MGAT4C: variants seen among roughly 807,000 people sequenced by gnomAD.
MGAT4C encodes the protein alpha-1,3-mannosyl-glycoprotein 4-beta-N-acetylglucosaminyltransferase C.
In MGAT4C, 19 loss-of-function variants were observed where a neutral mutation model predicts 40.1. The ratio of observed to expected loss-of-function variants is 0.47; its 90% CI spans 0.33 to 0.70. The LOEUF is 0.70. MGAT4C is among the 30% of genes least tolerant of loss of function. The pLI, the probability that MGAT4C is intolerant of heterozygous loss-of-function variation, is 0.02. For missense variants in MGAT4C, 491 were observed against 563.2 expected (o/e 0.87, Z 1.30); for synonymous variants, 181 against 187.1 (o/e 0.97, Z 0.27).
chr12:85,969,413 G>T lies in MGAT4C; in HGVS notation c.*9876C>A, dbSNP rs527699394. 2.6e-5 allele frequency: 4 copies of T among 151,578 alleles called. No individual in the cohort carries two copies. The highest frequency in any genetic ancestry group is 1.5e-5 in the Non-Finnish European group (1 of 67,632). 9.4% of individuals were successfully genotyped at this position (151,578 alleles called of 1,614,324 possible). The stretch of plus-strand genomic sequence containing the variant: ...TTGGTATGTTTGGGGCTGGTGTTAT[G>T]AAAGACTATTATATGATTAATACAA... On this transcript the variant is annotated 3_prime_UTR_variant, in exon 5 of 5. Coordinates refer to ENST00000611864, the MANE Select transcript of MGAT4C (RefSeq NM_001351288.2).
chr12:86,697,650 T>C (rs972027112), intron 2 of MGAT4C, among the ~76,000 whole-genome samples: 3 of 152,106 alleles, frequency 2.0e-5, no homozygotes, highest in Non-Finnish European at 2.9e-5. Flanking sequence ...AAATTATATT[T>C]AAATATAAAT....
chr12:86,113,210 T>C (rs1407103384), intron 1 of MGAT4C, among the ~76,000 whole-genome samples: 3 of 151,780 alleles, frequency 2.0e-5, no homozygotes, highest in Non-Finnish European at 4.4e-5. Context: ...ACTCTAATTT[T>C]GATTCAGAAA....
At chr12:86,648,854 A>C (rs1963619189) in intron 2 of MGAT4C, among the ~76,000 whole-genome samples, 1 of 151,912 alleles carries the variant, frequency 6.6e-6, no homozygotes, top group South Asian at 2.1e-4. Context: ...ACTCCTCAAA[A>C]TTCGTATGTA....
chr12:86,054,674 T>A (rs1445963296), intron 1 of MGAT4C, among the ~76,000 whole-genome samples: 1 of 151,844 alleles, frequency 6.6e-6, no homozygotes, highest in South Asian at 2.1e-4. Flanking sequence ...GATAAATATA[T>A]CCATCATTTA....
intron 1 of MGAT4C, among the ~76,000 whole-genome samples, chr12:86,745,765 G>T (rs1050079171): frequency 6.6e-6 from 1 of 151,516 alleles, no homozygotes; most frequent in African/African-American, 2.4e-5. Context: ...TAAACTGAGA[G>T]TCCCTGTCTC....
At chr12:86,065,701 T>C (rs1565931659) in intron 1 of MGAT4C, among the ~76,000 whole-genome samples, 1 of 152,150 alleles carries the variant, frequency 6.6e-6, no homozygotes, top group Non-Finnish European at 1.5e-5. Context: ...TATTGGAAGT[T>C]CTTGTCAGGG....
In MGAT4C at chr12:85,972,763, T is replaced by C. The variant is rs947923185; in HGVS notation, c.*6526A>G. ...ATGATAAAGGATCTGAGATAATTAT[T>C]CTAACTTTTTGGAACTATACTTTCA... On this transcript the variant is annotated 3_prime_UTR_variant, in exon 5 of 5. Coordinates refer to ENST00000611864, the MANE Select transcript of MGAT4C (RefSeq NM_001351288.2). 6.6e-6 allele frequency: 1 copy of C among 151,054 alleles called. No homozygotes were observed. The highest frequency in any genetic ancestry group is 2.4e-5 in the African/African-American group (1 of 41,360). 9.4% of individuals were successfully genotyped at this position (151,054 alleles called of 1,614,324 possible).
At chr12:86,062,632 A>T (rs1027817374) in intron 1 of MGAT4C, among the ~76,000 whole-genome samples, 1 of 152,192 alleles carries the variant, frequency 6.6e-6, no homozygotes, top group African/African-American at 2.4e-5. Flanking sequence ...GAAACTTGAA[A>T]AAAGGTTAGA....
intron 4 of MGAT4C, among the ~76,000 whole-genome samples, chr12:85,981,192 A>G (rs1884563455): frequency 6.6e-6 from 1 of 152,194 alleles, no homozygotes; most frequent in Non-Finnish European, 1.5e-5. Context: ...TCAGACATTT[A>G]TAATCTAAAA....
At chr12:86,384,837 C>A (rs985939443) in intron 3 of MGAT4C, among the ~76,000 whole-genome samples, 2 of 152,140 alleles carry the variant, frequency 1.3e-5, no homozygotes, top group Non-Finnish European at 2.9e-5. Flanking sequence ...CAGATGGCCT[C>A]TTTCTTGCCG....
At chr12:86,545,971 A>G (rs956602583) in intron 2 of MGAT4C, among the ~76,000 whole-genome samples, 8 of 151,968 alleles carry the variant, frequency 5.3e-5, no homozygotes, top group African/African-American at 1.9e-4. Flanking sequence ...TTTTCTTATC[A>G]TGATATAAAA....
At chr12:85,990,391 A>T (rs1237608498) in intron 2 of MGAT4C, among the ~76,000 whole-genome samples, 1 of 152,226 alleles carries the variant, frequency 6.6e-6, no homozygotes, top group African/African-American at 2.4e-5. Context: ...AAACTAGAAA[A>T]ATCACATTTT....
intron 3 of MGAT4C, among the ~76,000 whole-genome samples, chr12:86,434,289 AAAGG>A (rs1433503035): frequency 1.3e-5 from 2 of 151,998 alleles, no homozygotes; most frequent in East Asian, 1.9e-4. Context: ...AAGAAAATGA[AAAGG>A]AAGGGCCATA....
At chr12:86,495,381 T>G (rs1958219027) in intron 2 of MGAT4C, 1 of 152,122 alleles carries the variant, frequency 6.6e-6, no homozygotes, top group African/African-American at 2.4e-5. Flanking sequence ...ATATAGGAAT[T>G]ATACCTATCA....
intron 2 of MGAT4C, among the ~76,000 whole-genome samples, chr12:86,649,949 C>A (rs1565904180): frequency 1.3e-5 from 2 of 151,584 alleles, no homozygotes; most frequent in African/African-American, 4.8e-5. Context: ...GTAGGACAAC[C>A]CTTGCTAGAC....
intron 1 of MGAT4C, among the ~76,000 whole-genome samples, chr12:86,119,354 C>G (rs977425600): frequency 9.2e-5 from 14 of 152,150 alleles, no homozygotes; most frequent in African/African-American, 3.1e-4. Context: ...ATTTCATAGA[C>G]AGCAGTTACT....
At chr12:86,712,308 A>G (rs190915490) in intron 2 of MGAT4C, among the ~76,000 whole-genome samples, 1 of 152,258 alleles carries the variant, frequency 6.6e-6, no homozygotes, top group East Asian at 1.9e-4. Flanking sequence ...ATATAAAAGG[A>G]TGGCATAGGG....
intron 2 of MGAT4C, among the ~76,000 whole-genome samples, chr12:86,644,308 T>C (rs1254768266): frequency 6.6e-6 from 1 of 151,772 alleles, no homozygotes; most frequent in African/African-American, 2.4e-5. Context: ...AAAGAGGATA[T>C]TCAAATGTCA....
chr12:86,762,539 C>A lies in MGAT4C; in HGVS notation c.-261-35298G>T, dbSNP rs73393144. Among the ~76,000 whole-genome samples the A allele has an allele frequency of 3.4e-3, 515 of 152,304 alleles. 7 individuals are homozygous for A. Among genetic ancestry groups the A allele is most frequent in the African/African-American group, 0.012 (498 of 41,560 alleles). ...TCTCTCACATAGCCACTCAAACTTT[C>A]AGACCAACAAGGGACAATTTCTCGC... On this transcript the variant is annotated intron_variant, in intron 1 of 7. Transcript: ENST00000548651.
Sources: allele counts gnomAD v4.1 joint callset (sites outside exome capture counted in the v4.1 genomes callset), GRCh38; gene constraint gnomAD v4.1.1; transcripts MANE v1.5; gene names NCBI Gene and HGNC (gene_info 2026-07-23, HGNC 2026-07-21).